Variants in UBR3 observed in about 807,000 individuals in gnomAD.
The protein encoded by UBR3 is ubiquitin protein ligase E3 component n-recognin 3.
In UBR3, 85 loss-of-function variants were observed where a neutral mutation model predicts 243.2. That is an observed-to-expected ratio of 0.35 (90% CI 0.29 to 0.42). The LOEUF (loss-of-function observed/expected upper bound fraction) is 0.42, where lower values mean the gene tolerates loss of function less well. Among genes scored for constraint, UBR3 ranks in the 10% least tolerant of loss-of-function variants. The pLI, the probability that UBR3 is intolerant of heterozygous loss-of-function variation, is 1.00. For missense variants in UBR3, 1,686 were observed against 2,300.8 expected (o/e 0.73, Z 5.47); for synonymous variants, 748 against 799.8 (o/e 0.94, Z 1.09).
At chr2:170,028,839 T>G (rs532607240) in intron 30 of UBR3, among the ~76,000 whole-genome samples, 2 of 152,030 alleles carry the variant, frequency 1.3e-5, no homozygotes, top group African/African-American at 4.8e-5. Flanking sequence ...TAATACTCTA[T>G]TTCAGTTACT....
chr2:169,861,424 A>G (rs911902136), intron 1 of UBR3, among the ~76,000 whole-genome samples: 9 of 152,158 alleles, frequency 5.9e-5, no homozygotes, highest in African/African-American at 2.2e-4. Context: ...CCTGGCCAAC[A>G]TGGTGAAACC....
In UBR3 at chr2:169,905,154, A is replaced by G. The variant is rs2084968623; in HGVS notation, c.1506A>G (p.Glu502=). The G allele has an allele frequency of 6.5e-7, 1 of 1,539,506 alleles. No individual in the cohort carries two copies. The highest frequency in any genetic ancestry group is 1.2e-5 in the South Asian group (1 of 80,420). The change falls in exon 9 of 39, where the codon GAA becomes GAG. Residue 502 remains glutamate (E), a synonymous_variant. Transcript: ENST00000272793. Reference sequence around the variant, plus strand: ...TACATGTGGTAGTGAACTGTGGAGAAGCATTACTGAAGAATAACACTTACT... The same window carrying G: ...TACATGTGGTAGTGAACTGTGGAGAGGCATTACTGAAGAATAACACTTACT... ...NSLHVVVNCG[E]ALLKNNTYWP...
intron 10 of UBR3, 80 bp downstream of exon 10, chr2:169,906,244 A>G: frequency 7.0e-7 from 1 of 1,419,184 alleles, no homozygotes; most frequent in South Asian, 1.5e-5. Context: ...TTTGTATATA[A>G]TGTGCAGTGT....
chr2:169,989,540 G>C lies in UBR3; in HGVS notation c.3784+2746G>C, dbSNP rs528125073. Among the ~76,000 whole-genome samples the C allele has an allele frequency of 1.1e-4, 16 of 152,226 alleles. No homozygotes were observed. In the South Asian group the frequency reaches 3.3e-3, roughly 32 times the overall value. ...TGATTACTGCCTAAATCCATCAGTT[G>C]ATCAGAGATTACAAATCTCTTTCAT... On this transcript the variant is annotated intron_variant, in intron 25 of 38. Coordinates refer to ENST00000272793, the MANE Select transcript of UBR3 (RefSeq NM_172070.4).
rs1426773867 is a variant in UBR3 at position 169,986,730 on chromosome 2, A to G, written c.3720A>G (p.Gly1240=). 1.9e-6 allele frequency: 3 copies of G among 1,613,952 alleles called. No homozygotes were observed. The highest frequency in any genetic ancestry group is 1.3e-5 in the African/African-American group (1 of 74,930). The change falls in exon 25 of 39, where the codon GGA becomes GGG. Residue 1240 remains glycine, a synonymous_variant. Coordinates refer to ENST00000272793, the MANE Select transcript of UBR3 (RefSeq NM_172070.4). ...SEAVYDCVIC[G]QSGPSSEDRP... is the part of the protein sequence containing the mutation. Reference sequence around the variant, plus strand: ...CAGTATATGACTGTGTTATTTGTGGACAGAGTGGCCCCTCCTCTGAAGATC... The same window carrying G: ...CAGTATATGACTGTGTTATTTGTGGGCAGAGTGGCCCCTCCTCTGAAGATC...
chr2:169,975,174 A>C (rs146805200), intron 24 of UBR3, among the ~76,000 whole-genome samples: 3 of 152,194 alleles, frequency 2.0e-5, no homozygotes, highest in Admixed American at 1.3e-4. Context: ...TGTCTCAAAA[A>C]AACAACAACA....
chr2:170,057,871 G>A (rs1221150432), intron 33 of UBR3, among the ~76,000 whole-genome samples: 1 of 152,016 alleles, frequency 6.6e-6, no homozygotes, highest in African/African-American at 2.4e-5. Context: ...AATTACGATA[G>A]TCTGTAGGTT....
At chr2:169,928,162 T>C (rs1276457481) in intron 17 of UBR3, among the ~76,000 whole-genome samples, 1 of 152,216 alleles carries the variant, frequency 6.6e-6, no homozygotes, top group Non-Finnish European at 1.5e-5. Context: ...TCAGTCATTA[T>C]GAACTATGTG....
intron 1 of UBR3, among the ~76,000 whole-genome samples, chr2:169,841,192 G>T (rs1457034777): frequency 1.3e-5 from 2 of 151,816 alleles, no homozygotes; most frequent in Non-Finnish European, 2.9e-5. Flanking sequence ...TGTCTTTTTT[G>T]ATTATAAATT....
At chr2:169,894,354 T>C (rs1307096004) in intron 6 of UBR3, among the ~76,000 whole-genome samples, 1 of 144,400 alleles carries the variant, frequency 6.9e-6, no homozygotes, top group Non-Finnish European at 1.5e-5. Flanking sequence ...AAAAAAGATG[T>C]ATAGTGTTAC....
chr2:170,081,546 C>G (rs2091907170), intron 38 of UBR3, among the ~76,000 whole-genome samples, 180 bp from the exon 39 acceptor site: 1 of 151,680 alleles, frequency 6.6e-6, no homozygotes, highest in African/African-American at 2.4e-5. Context: ...AAAAAGGAGG[C>G]AGGCATGGTG....
chr2:169,949,005 A>T (rs1252635425), intron 22 of UBR3, among the ~76,000 whole-genome samples: 1 of 152,050 alleles, frequency 6.6e-6, no homozygotes, highest in African/African-American at 2.4e-5. Flanking sequence ...TTAATTTCAT[A>T]TTAAAATTTA....
At chr2:170,050,142 A>G (rs2091183983) in intron 32 of UBR3, among the ~76,000 whole-genome samples, 1 of 152,192 alleles carries the variant, frequency 6.6e-6, no homozygotes, top group Non-Finnish European at 1.5e-5. Flanking sequence ...ACTAAGGCAA[A>G]TGAAGTCTTT....
In UBR3 at chr2:169,994,394, T is replaced by G; in HGVS notation, c.3856T>G (p.Trp1286Gly). ...CAGTGAAGAGGAGCAGATTTACCCT[T>G]GGGATACCTGTGCAGCCGTTCATGA... ...PISEEEQIYP[W>G]DTCAAVHDVR... Residue 1286 changes from tryptophan (W) to glycine (G), a missense_variant, in exon 26 of 39, where the codon TGG becomes GGG. Physicochemically the swap from Trp to Gly is radical, Grantham distance 184. Coordinates refer to ENST00000272793, the MANE Select transcript of UBR3 (RefSeq NM_172070.4). 1 of 1,614,186 alleles carries G rather than the reference T, an allele frequency of 6.2e-7. No individual in the cohort carries two copies. Among genetic ancestry groups the G allele is most frequent in the Non-Finnish European group, 8.5e-7 (1 of 1,180,034 alleles).
chr2:170,070,451 C>T (rs2091673430), intron 35 of UBR3, among the ~76,000 whole-genome samples: 1 of 152,058 alleles, frequency 6.6e-6, no homozygotes, highest in Admixed American at 6.6e-5. Flanking sequence ...CCTGCTCTCA[C>T]CACTTTTCAG....
intron 32 of UBR3, among the ~76,000 whole-genome samples, chr2:170,048,130 C>G (rs963653441): frequency 6.6e-6 from 1 of 152,158 alleles, no homozygotes; most frequent in African/African-American, 2.4e-5. Flanking sequence ...AAGGGAGGGG[C>G]ACACTGAGGT....
At chr2:169,948,000 C>T (rs913015138) in intron 22 of UBR3, 9 of 935,044 alleles carry the variant, frequency 9.6e-6, no homozygotes, top group Middle Eastern at 5.5e-4. Context: ...GGGGAAAAAC[C>T]GCTTTGAAGT....
intron 35 of UBR3, among the ~76,000 whole-genome samples, chr2:170,071,574 T>C (rs756856772): frequency 6.6e-6 from 1 of 152,164 alleles, no homozygotes; most frequent in South Asian, 2.1e-4. Context: ...CATTAAACTA[T>C]ACATAAAATG....
intron 5 of UBR3, among the ~76,000 whole-genome samples, chr2:169,885,283 C>T (rs1371373698): frequency 6.6e-6 from 1 of 152,036 alleles, no homozygotes; most frequent in South Asian, 2.1e-4. Context: ...GGAATTGTAA[C>T]AATTAAAAGA....
Sources: allele counts gnomAD v4.1 joint callset (sites outside exome capture counted in the v4.1 genomes callset), GRCh38; gene constraint gnomAD v4.1.1; transcripts MANE v1.5; gene names NCBI Gene and HGNC (gene_info 2026-07-23, HGNC 2026-07-21).